The following IL22RA2 variants were observed in gnomAD, a reference collection of about 807,000 sequenced individuals.
The protein encoded by IL22RA2 is interleukin 22 receptor subunit alpha 2, also known as interleukin-22 receptor subunit alpha-2.
A neutral mutation model predicts 30.7 loss-of-function variants in IL22RA2; 39 were observed. The observed-to-expected ratio is 1.27, with a 90% CI of 0.98 to 1.66. The LOEUF (loss-of-function observed/expected upper bound fraction) is 1.66. Among genes scored for constraint, IL22RA2 ranks in the 40% most tolerant of loss-of-function variants. The probability of loss-of-function intolerance (pLI) is 0.00; values close to 1 mark genes in which losing one functional copy is unlikely to be tolerated. For missense variants in IL22RA2, 315 were observed against 312.7 expected, an observed-to-expected ratio of 1.01 and a Z score of -0.05; for synonymous variants, 103 against 105.0, an observed-to-expected ratio of 0.98 and a Z score of 0.11.
intron 3 of IL22RA2, among the ~76,000 whole-genome samples, chr6:137,157,483 C>T (rs924405315): frequency 5.9e-5 from 9 of 152,052 alleles, no homozygotes; most frequent in African/African-American, 1.2e-4. Flanking sequence ...ATATTCCTTC[C>T]GAAATTAATT....
At chr6:137,160,475 C>A (rs12664889) in intron 2 of IL22RA2, among the ~76,000 whole-genome samples, 30,894 of 152,086 alleles carry the variant, frequency 0.2, 3,577 homozygotes, top group East Asian at 0.41. Context: ...GAGTGCAGAG[C>A]CTGCCATTAC....
chr6:137,170,138 C>T (rs1778701950), intron 1 of IL22RA2, among the ~76,000 whole-genome samples: 1 of 152,132 alleles, frequency 6.6e-6, no homozygotes, highest in Non-Finnish European at 1.5e-5. Context: ...CGAATAAAGG[C>T]TCTGCAAAAG....
chr6:137,169,264 T>C lies in IL22RA2; in HGVS notation c.-66+4149A>G, dbSNP rs539716290. Among the ~76,000 whole-genome samples, 11 of 152,372 alleles carry C rather than the reference T, an allele frequency of 7.2e-5. 1 individual carries two copies. Among genetic ancestry groups the C allele is most frequent in the African/African-American group, 2.4e-4 (10 of 41,586 alleles). On this transcript the variant is annotated intron_variant, in intron 1 of 6. Coordinates refer to ENST00000296980, the MANE Select transcript of IL22RA2 (RefSeq NM_052962.3). ...AACAGAACACAATGGAGAAGCTTTATAGATGATTCCTCTGTGTCACTTTAA... is the reference window on the plus strand; with the variant it reads ...AACAGAACACAATGGAGAAGCTTTACAGATGATTCCTCTGTGTCACTTTAA...
At position 137,147,711 on chromosome 6, in the gene IL22RA2, T is replaced by G. The variant is rs1778208710; in HGVS notation, c.642+11A>C. 1 of 1,514,986 alleles carries G rather than the reference T, an allele frequency of 6.6e-7. No individual in the cohort carries two copies. Among genetic ancestry groups the G allele is most frequent in the Non-Finnish European group, 9.0e-7 (1 of 1,111,550 alleles). 93.8% of individuals were successfully genotyped at this position (1,514,986 alleles called of 1,614,324 possible). A position where few individuals can be genotyped will look rare whatever the true frequency, so the allele number is the denominator to read the frequency against. ...AAAAAACTCTAAATATATCTATTCATCTGAACTTACCTTTTCTAGTGAATT... is the reference window on the plus strand; with the variant it reads ...AAAAAACTCTAAATATATCTATTCAGCTGAACTTACCTTTTCTAGTGAATT... On this transcript the variant is annotated intron_variant, in intron 6 of 6. Transcript: ENST00000296980.
At chr6:137,150,286 T>C (rs1778261826) in intron 5 of IL22RA2, among the ~76,000 whole-genome samples, 1 of 152,000 alleles carries the variant, frequency 6.6e-6, no homozygotes, top group South Asian at 2.1e-4. Context: ...TCTTCAGAAG[T>C]TCTTAGGAGC....
rs149584710 is a variant in IL22RA2, at chr6:137,165,835, A to G, written c.-65-4021T>C. Among the ~76,000 whole-genome samples the G allele has an allele frequency of 1.9e-3, 283 of 152,306 alleles. 3 individuals carry two copies. Among genetic ancestry groups the G allele is most frequent in the Middle Eastern group, 0.017 (5 of 294 alleles). On this transcript the variant is annotated intron_variant, in intron 1 of 6. Transcript: ENST00000296980. ...GTCCCAACAACAGAGGAATGGTAAT[A>G]ATTTGGGTGCCCCACACGGTTGTCA...
Position 137,164,043 on chromosome 6 carries a change from A to G in IL22RA2, c.-65-2229T>C, listed in dbSNP as rs543622948. On this transcript the variant is annotated intron_variant, in intron 1 of 6. Transcript: ENST00000296980. ...GTCCGAACCTCCTGTAATAGGACCC[A>G]GTCTGGTGGATCCAAGAGTGAAAGT... 5.5e-4 allele frequency among the ~76,000 whole-genome samples: 84 copies of G among 152,296 alleles called. 1 individual carries two copies. The highest frequency in any genetic ancestry group is 1.9e-3 in the African/African-American group (79 of 41,548).
chr6:137,172,187 A>G (rs377551285), intron 1 of IL22RA2, among the ~76,000 whole-genome samples: 1 of 152,246 alleles, frequency 6.6e-6, no homozygotes, highest in Admixed American at 6.5e-5. Flanking sequence ...CCAGCTAAGA[A>G]TAAAAGGAAA....
At chr6:137,154,863 G>A in intron 5 of IL22RA2, 78 bp downstream of exon 5, 2 of 1,215,866 alleles carry the variant, frequency 1.6e-6, no homozygotes, top group East Asian at 4.6e-5. Flanking sequence ...AAAGCACAAG[G>A]CCTAGTCACT....
intron 5 of IL22RA2, among the ~76,000 whole-genome samples, chr6:137,153,352 G>A (rs1394893735): frequency 2.6e-5 from 4 of 152,192 alleles, no homozygotes; most frequent in African/African-American, 9.7e-5. Context: ...GAGACGTCTT[G>A]TGAATTGGCA....
chr6:137,154,674 T>C (rs916190919), intron 5 of IL22RA2, among the ~76,000 whole-genome samples: 1 of 152,006 alleles, frequency 6.6e-6, no homozygotes, highest in African/African-American at 2.4e-5. Context: ...GTGGAGGCTC[T>C]GCAGTCAGAT....
Position 137,143,989 on chromosome 6 carries a change from T to A in IL22RA2, c.*1635A>T, listed in dbSNP as rs1251080868. 1 of 152,204 alleles carries A rather than the reference T, an allele frequency of 6.6e-6. No individual in the cohort carries two copies. Among genetic ancestry groups the A allele is most frequent in the Non-Finnish European group, 1.5e-5 (1 of 68,040 alleles). The allele number at this position is 152,204 out of a possible 1,614,324, so 9.4% of individuals were successfully genotyped here. A position where few individuals can be genotyped will look rare whatever the true frequency, so the allele number is the denominator to read the frequency against. ...AAAACTTGATCCTATCTAATAACTT[T>A]CATGAAACAACCATAAATGAATTTT... On this transcript the variant is annotated 3_prime_UTR_variant, in exon 7 of 7. Coordinates refer to ENST00000296980, the MANE Select transcript of IL22RA2 (RefSeq NM_052962.3).
chr6:137,147,665 A>G, intron 6 of IL22RA2, 57 bp downstream of exon 6: 4 of 1,331,998 alleles, frequency 3.0e-6, no homozygotes, highest in Admixed American at 2.4e-5. Context: ...TGACCACAAT[A>G]TTGGTTAAAT....
At chr6:137,171,154 C>T (rs1778726886) in intron 1 of IL22RA2, among the ~76,000 whole-genome samples, 1 of 152,186 alleles carries the variant, frequency 6.6e-6, no homozygotes, top group Admixed American at 6.5e-5. Flanking sequence ...TAACATTTCA[C>T]AAATATTTGC....
At chr6:137,147,298 G>T (rs1472361539) in intron 6 of IL22RA2, among the ~76,000 whole-genome samples, 1 of 149,136 alleles carries the variant, frequency 6.7e-6, no homozygotes, top group Non-Finnish European at 1.5e-5. Flanking sequence ...GAAGTTAGAG[G>T]CTACAGTGAG....
rs765835325 is a variant in IL22RA2, at chr6:137,145,580, G to A, written c.*44C>T. 1 of 1,559,960 alleles carries A rather than the reference G, an allele frequency of 6.4e-7. No individual in the cohort carries two copies. Among genetic ancestry groups the A allele is most frequent in the Non-Finnish European group, 8.7e-7 (1 of 1,149,808 alleles). ...CAAACACGAGTCATCCTGTTCTCAG[G>A]GAGCTTTAGAATTTCCACATTGCTG... is the stretch of plus-strand genomic sequence containing the variant. On this transcript the variant is annotated 3_prime_UTR_variant, in exon 7 of 7. Transcript: ENST00000296980.
chr6:137,163,206 G>T (rs75296796), intron 1 of IL22RA2, among the ~76,000 whole-genome samples: 1 of 152,130 alleles, frequency 6.6e-6, no homozygotes, highest in African/African-American at 2.4e-5. Flanking sequence ...TCTGTATCTC[G>T]CTTCCTGCCT....
intron 2 of IL22RA2, among the ~76,000 whole-genome samples, chr6:137,160,990 G>T (rs537662721): frequency 6.6e-6 from 1 of 152,186 alleles, no homozygotes; most frequent in Non-Finnish European, 1.5e-5. Context: ...CTTACACTGA[G>T]AGGTACCCAT....
At chr6:137,149,761 C>T (rs1445242765) in intron 5 of IL22RA2, among the ~76,000 whole-genome samples, 2 of 152,216 alleles carry the variant, frequency 1.3e-5, no homozygotes, top group Non-Finnish European at 2.9e-5. Context: ...AATTCTTGTA[C>T]CTGCCTACCT....
Sources: allele counts gnomAD v4.1 joint callset (sites outside exome capture counted in the v4.1 genomes callset), GRCh38; gene constraint gnomAD v4.1.1; transcripts MANE v1.5; gene names NCBI Gene and HGNC (gene_info 2026-07-23, HGNC 2026-07-21).